RGS17: variants seen among roughly 807,000 people sequenced by gnomAD.
RGS17 encodes the protein regulator of G-protein signaling 17.
A neutral mutation model predicts 25.5 loss-of-function variants in RGS17; 12 were observed. The ratio of observed to expected loss-of-function variants is 0.47; its 90% CI spans 0.30 to 0.76. The LOEUF (loss-of-function observed/expected upper bound fraction) is 0.76, where lower values mean the gene tolerates loss of function less well. Among genes scored for constraint, RGS17 ranks in the 30% least tolerant of loss-of-function variants. The pLI is 0.07. For synonymous variants in RGS17, 71 were observed against 76.9 expected, an observed-to-expected ratio of 0.92 and a Z score of 0.40; for missense variants, 196 against 242.2, an observed-to-expected ratio of 0.81 and a Z score of 1.27.
chr6:153,090,258 T>C (rs1410436663), intron 1 of RGS17, among the ~76,000 whole-genome samples: 1 of 151,972 alleles, frequency 6.6e-6, no homozygotes, highest in African/African-American at 2.4e-5. Context: ...CTCTCTTAAC[T>C]GTGGTTTGGC....
intron 1 of RGS17, among the ~76,000 whole-genome samples, chr6:153,100,192 T>C (rs1379311354): frequency 6.6e-6 from 1 of 152,226 alleles, no homozygotes; most frequent in African/African-American, 2.4e-5. Context: ...TCAGGCAATT[T>C]ATGTAGTTAA....
chr6:153,010,209 A>G lies in RGS17; in HGVS notation c.*1365T>C, dbSNP rs181022302. ...AGTCTTCAGGGGATATTAATATTCAAATGTAACACTTTGATATAAATATGA... is the reference window on the plus strand; with the variant it reads ...AGTCTTCAGGGGATATTAATATTCAGATGTAACACTTTGATATAAATATGA... On this transcript the variant is annotated 3_prime_UTR_variant, in exon 5 of 5. Coordinates refer to ENST00000206262, the MANE Select transcript of RGS17 (RefSeq NM_012419.5). The G allele has an allele frequency of 2.0e-5, 3 of 152,088 alleles. No homozygotes were observed. Among genetic ancestry groups the G allele is most frequent in the Non-Finnish European group, 4.4e-5 (3 of 67,830 alleles). The allele number at this position is 152,088 out of a possible 1,614,324, so 9.4% of individuals were successfully genotyped here. A position where few individuals can be genotyped will look rare whatever the true frequency, so the allele number is the denominator to read the frequency against.
intron 1 of RGS17, among the ~76,000 whole-genome samples, chr6:153,059,896 T>C (rs1584139035): frequency 1.3e-5 from 2 of 152,288 alleles, no homozygotes; most frequent in Admixed American, 6.5e-5. Flanking sequence ...CAAAATGTAG[T>C]TCCTGGACCA....
intron 1 of RGS17, among the ~76,000 whole-genome samples, chr6:153,056,643 C>T (rs1016294402): frequency 1.3e-5 from 2 of 152,124 alleles, no homozygotes; most frequent in African/African-American, 4.8e-5. Context: ...GGTTACTATT[C>T]CTGAAATGGG....
In RGS17 at chr6:153,010,240, AT is replaced by A. The variant is rs1779116376; in HGVS notation, c.*1333del. 1.3e-5 allele frequency: 2 copies of A among 152,116 alleles called. No homozygotes were observed. The highest frequency in any genetic ancestry group is 3.9e-4 in the East Asian group (2 of 5,182). The allele number at this position is 152,116 out of a possible 1,614,324, so 9.4% of individuals were successfully genotyped here. On this transcript the variant is annotated 3_prime_UTR_variant, in exon 5 of 5. Coordinates refer to ENST00000206262, the MANE Select transcript of RGS17 (RefSeq NM_012419.5). Reference sequence around the variant, plus strand: ...ACACTTTGATATAAATATGACACTGATTATTTTAATTATCACTTTTATGCAT... The same window carrying A: ...ACACTTTGATATAAATATGACACTGATATTTTAATTATCACTTTTATGCAT...
At chr6:153,025,312 T>TA (rs764258146) in intron 3 of RGS17, among the ~76,000 whole-genome samples, 223 of 140,440 alleles carry the variant, frequency 1.6e-3, no homozygotes, top group African/African-American at 3.4e-3. Context: ...ATCCTGCCTC[T>TA]AAAAAAAAAA....
intron 1 of RGS17, among the ~76,000 whole-genome samples, chr6:153,091,733 G>A (rs1237373878): frequency 1.3e-5 from 2 of 151,934 alleles, no homozygotes; most frequent in Admixed American, 6.6e-5. Flanking sequence ...GGCTGGTCTC[G>A]GACTCTTGAC....
chr6:153,119,754 G>A (rs1248283307), intron 1 of RGS17, among the ~76,000 whole-genome samples: 1 of 152,222 alleles, frequency 6.6e-6, no homozygotes, highest in Non-Finnish European at 1.5e-5. Context: ...CATGTCCGCT[G>A]ATTCTAATGC....
intron 1 of RGS17, among the ~76,000 whole-genome samples, chr6:153,126,737 C>G (rs989281677): frequency 1.3e-5 from 2 of 152,250 alleles, no homozygotes; most frequent in East Asian, 3.9e-4. Flanking sequence ...ACTAGCTGTT[C>G]TAAGCATCGT....
Position 153,008,735 on chromosome 6 carries a change from G to T in RGS17, c.*2839C>A, listed in dbSNP as rs929364498. Reference sequence around the variant, plus strand: ...TTTAAAGTGCTAATTTTTCCCCAGGGAGGAATTTACTCACTAGGAAAACTC... The same window carrying T: ...TTTAAAGTGCTAATTTTTCCCCAGGTAGGAATTTACTCACTAGGAAAACTC... On this transcript the variant is annotated 3_prime_UTR_variant, in exon 5 of 5. Transcript: ENST00000206262. 2.0e-5 allele frequency: 3 copies of T among 152,128 alleles called. No individual in the cohort carries two copies. Among genetic ancestry groups the T allele is most frequent in the Non-Finnish European group, 4.4e-5 (3 of 67,988 alleles). 9.4% of individuals were successfully genotyped at this position (152,128 alleles called of 1,614,324 possible).
intron 1 of RGS17, among the ~76,000 whole-genome samples, chr6:153,080,838 G>GTT (rs140299894): frequency 4.2e-5 from 6 of 142,740 alleles, no homozygotes; most frequent in African/African-American, 5.2e-5. Flanking sequence ...CATTTCTCCT[G>GTT]TTTTTTTTTT....
At chr6:153,111,682 T>C (rs1297463655) in intron 1 of RGS17, among the ~76,000 whole-genome samples, 1 of 152,182 alleles carries the variant, frequency 6.6e-6, no homozygotes, top group Admixed American at 6.5e-5. Flanking sequence ...AGACACCTCA[T>C]ACAGGAGAGC....
Position 153,130,319 on chromosome 6 carries a change from G to T in RGS17, c.-26+805C>A, listed in dbSNP as rs887073500. On this transcript the variant is annotated intron_variant, in intron 1 of 4. Transcript: ENST00000206262. This position sits in a 1 kb window ranked among gnomAD's most constrained non-coding sequence, Gnocchi z 6.4. ...CCTACAGCAAAGGAGGCTCCGATGC[G>T]CCCACCCGGGCAGCGACTCGCGGTT... 6.6e-6 allele frequency among the ~76,000 whole-genome samples: 1 copy of T among 152,038 alleles called. No individual in the cohort carries two copies. Among genetic ancestry groups the T allele is most frequent in the Non-Finnish European group, 1.5e-5 (1 of 68,016 alleles).
chr6:153,112,842 GA>G (rs1209188079), intron 1 of RGS17, among the ~76,000 whole-genome samples: 1 of 152,064 alleles, frequency 6.6e-6, no homozygotes, highest in African/African-American at 2.4e-5. Context: ...AAGCAAAGGA[GA>G]ATGACATCCT....
intron 1 of RGS17, among the ~76,000 whole-genome samples, chr6:153,086,786 T>C (rs1414024963): frequency 6.6e-6 from 1 of 152,190 alleles, no homozygotes; most frequent in Non-Finnish European, 1.5e-5. Flanking sequence ...CAGGAGTTTA[T>C]CATGCAACCT....
chr6:153,057,283 G>C (rs1360903621), intron 1 of RGS17, among the ~76,000 whole-genome samples: 3 of 152,128 alleles, frequency 2.0e-5, no homozygotes, highest in Admixed American at 6.6e-5. Flanking sequence ...TGCCGTTGCA[G>C]TAAGATCAAT....
chr6:153,078,769 G>A (rs1776924570), intron 1 of RGS17, among the ~76,000 whole-genome samples: 2 of 151,844 alleles, frequency 1.3e-5, no homozygotes, highest in South Asian at 4.2e-4. Flanking sequence ...ATTACATACT[G>A]TAAAAAGATT....
At chr6:153,033,633 G>T (rs1428258612) in intron 2 of RGS17, among the ~76,000 whole-genome samples, 1 of 152,120 alleles carries the variant, frequency 6.6e-6, no homozygotes, top group Non-Finnish European at 1.5e-5. Flanking sequence ...CACAGAAATC[G>T]CTTGAGCCCC....
chr6:153,097,296 T>G (rs1247136997), intron 1 of RGS17, among the ~76,000 whole-genome samples: 1 of 47,218 alleles, frequency 2.1e-5, no homozygotes, highest in Middle Eastern at 0.014. Flanking sequence ...TTTGATTTTT[T>G]TTTTTTTTTT....
Sources: allele counts gnomAD v4.1 joint callset (sites outside exome capture counted in the v4.1 genomes callset), GRCh38; gene constraint gnomAD v4.1.1; non-coding constraint Gnocchi (gnomAD v3.1); transcripts MANE v1.5; gene names NCBI Gene and HGNC (gene_info 2026-07-23, HGNC 2026-07-21).